TUSC3: variants seen among roughly 807,000 people sequenced by gnomAD.
TUSC3 encodes tumor suppressor candidate 3, also known as dolichyl-diphosphooligosaccharide--protein glycosyltransferase subunit TUSC3.
Under a neutral mutation model 44.8 loss-of-function variants are expected in TUSC3, and 45 were observed. The ratio of observed to expected loss-of-function variants is 1.00; its 90% CI spans 0.79 to 1.29. TUSC3 has a LOEUF of 1.29. TUSC3 is among the 50% of genes most tolerant of loss of function. The probability of loss-of-function intolerance (pLI) is 0.00; values close to 1 mark genes in which losing one functional copy is unlikely to be tolerated. For missense variants in TUSC3, 519 were observed against 437.9 expected, an observed-to-expected ratio of 1.19 and a Z score of -1.65; for synonymous variants, 212 against 152.9, an observed-to-expected ratio of 1.39 and a Z score of -2.85.
the TUSC3 span, among the ~76,000 whole-genome samples, chr8:15,847,218 G>A: frequency 6.6e-6 from 1 of 152,174 alleles, no homozygotes; most frequent in Non-Finnish European, 1.5e-5. Context: ...ATATGTGAGG[G>A]TGTGTATGAG....
At chr8:15,786,275 T>C in the TUSC3 span, among the ~76,000 whole-genome samples, 2 of 152,306 alleles carry the variant, frequency 1.3e-5, no homozygotes, top group African/African-American at 4.8e-5. Context: ...TCTGACACTA[T>C]CTCAATGAAG....
Position 15,459,557 on chromosome 8 carries a change from T to C in TUSC3, n.92-23829T>C, listed in dbSNP as rs185679420. Reference sequence around the variant, plus strand: ...TTAGTGGTGATTTGTGAGATTTTGGTGCAGCCATCGCCCAAGCAGTATACA... The same window carrying C: ...TTAGTGGTGATTTGTGAGATTTTGGCGCAGCCATCGCCCAAGCAGTATACA... On this transcript the variant is annotated intron_variant and non_coding_transcript_variant, in intron 1 of 5. Coordinates refer to the TUSC3 transcript ENST00000503191. Among the ~76,000 whole-genome samples the C allele has an allele frequency of 5.0e-3, 763 of 152,208 alleles. 3 individuals carry two copies. Among genetic ancestry groups the C allele is most frequent in the African/African-American group, 0.017 (715 of 41,524 alleles).
At chr8:15,473,787 C>G (rs1015566167) in intron 1 of TUSC3, among the ~76,000 whole-genome samples, 2 of 152,146 alleles carry the variant, frequency 1.3e-5, no homozygotes, top group African/African-American at 2.4e-5. Flanking sequence ...TCTGAGGAAA[C>G]AGGACAAGGC....
chr8:15,703,211 G>T (rs1413769554), intron 6 of TUSC3, among the ~76,000 whole-genome samples: 1 of 152,090 alleles, frequency 6.6e-6, no homozygotes, highest in Non-Finnish European at 1.5e-5. Context: ...AGTATCAGGG[G>T]ACATTAGTAT....
At chr8:15,508,018 G>A (rs1185187307) in intron 2 of TUSC3, among the ~76,000 whole-genome samples, 1 of 152,130 alleles carries the variant, frequency 6.6e-6, no homozygotes, top group African/African-American at 2.4e-5. Flanking sequence ...GAAGTGGGTG[G>A]ATCACTTGAA....
At chr8:15,460,608 C>T (rs1464500191) in intron 1 of TUSC3, among the ~76,000 whole-genome samples, 1 of 152,120 alleles carries the variant, frequency 6.6e-6, no homozygotes, top group Admixed American at 6.6e-5. Flanking sequence ...TTGACTAAGC[C>T]AATGTCTAGA....
At chr8:15,770,797 T>C (rs754402872), downstream of TUSC3, among the ~76,000 whole-genome samples, 7 of 152,022 alleles carry the variant, frequency 4.6e-5, no homozygotes, top group Non-Finnish European at 8.8e-5. Context: ...CTATCAAGCA[T>C]ATTAAGTATA....
At position 15,614,925 on chromosome 8, in the gene TUSC3, T is replaced by A. The variant is rs552047397; in HGVS notation, c.139-8155T>A. On this transcript the variant is annotated intron_variant, in intron 1 of 10. Coordinates refer to ENST00000503731, the MANE Select transcript of TUSC3 (RefSeq NM_006765.4). ...ACAAGTACAGCTATTCAGGCTGTTATTAAAAAGACCAAAAAAAAAAAAAAA... is the reference window on the plus strand; with the variant it reads ...ACAAGTACAGCTATTCAGGCTGTTAATAAAAAGACCAAAAAAAAAAAAAAA... Among the ~76,000 whole-genome samples, 5 of 111,846 alleles carry A rather than the reference T, an allele frequency of 4.5e-5. No homozygotes were observed. The East Asian group carries it at 9.7e-4, about 22-fold the overall frequency. 73.4% of individuals were successfully genotyped at this position (111,846 alleles called of 152,430 possible). A position where few individuals can be genotyped will look rare whatever the true frequency, so the allele number is the denominator to read the frequency against.
At chr8:15,582,360 A>C (rs1803403186) in intron 1 of TUSC3, among the ~76,000 whole-genome samples, 1 of 152,210 alleles carries the variant, frequency 6.6e-6, no homozygotes, top group Non-Finnish European at 1.5e-5. Context: ...ACAGTGAGGT[A>C]CTTGAAGGAT....
chr8:15,534,387 T>C (rs1015123452), intron 2 of TUSC3, among the ~76,000 whole-genome samples: 12 of 152,104 alleles, frequency 7.9e-5, no homozygotes, highest in African/African-American at 2.9e-4. Context: ...CGCACACCTG[T>C]AATCCCAGCA....
At chr8:15,627,720 C>T (rs1400480543) in intron 2 of TUSC3, among the ~76,000 whole-genome samples, 2 of 152,222 alleles carry the variant, frequency 1.3e-5, no homozygotes, top group Non-Finnish European at 2.9e-5. Context: ...TGCAGCCTCA[C>T]AGGGAGCTGG....
chr8:15,676,903 A>G (rs1263595340), intron 6 of TUSC3, among the ~76,000 whole-genome samples: 1 of 152,234 alleles, frequency 6.6e-6, no homozygotes, highest in African/African-American at 2.4e-5. Flanking sequence ...AGAAAATTTG[A>G]AAAACTGAAA....
intron 2 of TUSC3, among the ~76,000 whole-genome samples, chr8:15,648,091 T>C (rs1282964276): frequency 6.6e-6 from 1 of 152,228 alleles, no homozygotes; most frequent in Non-Finnish European, 1.5e-5. Flanking sequence ...TCACCTCTCC[T>C]CTATTTCTGT....
chr8:15,790,124 C>T, the TUSC3 span, among the ~76,000 whole-genome samples: 1 of 150,130 alleles, frequency 6.7e-6, no homozygotes, highest in East Asian at 2.0e-4. Flanking sequence ...GGGGTAGTAA[C>T]GTCCTGGTTG....
intron 1 of TUSC3, among the ~76,000 whole-genome samples, chr8:15,581,502 G>A (rs1397351495): frequency 6.8e-6 from 1 of 147,140 alleles, no homozygotes; most frequent in Admixed American, 6.7e-5. Flanking sequence ...TTTTGGTGTG[G>A]ATGTCCTTTC....
chr8:15,847,871 A>C, the TUSC3 span, among the ~76,000 whole-genome samples: 3 of 152,136 alleles, frequency 2.0e-5, no homozygotes, highest in Non-Finnish European at 4.4e-5. Flanking sequence ...AATAAGCCTT[A>C]ATTTTTTTTA....
At chr8:15,453,316 A>G (rs1202013693) in intron 1 of TUSC3, among the ~76,000 whole-genome samples, 6 of 152,210 alleles carry the variant, frequency 3.9e-5, no homozygotes, top group Non-Finnish European at 8.8e-5. Context: ...TTCCTAAATT[A>G]CTAAATAAAA....
chr8:15,613,949 A>G (rs1804873923), intron 1 of TUSC3, among the ~76,000 whole-genome samples: 1 of 151,114 alleles, frequency 6.6e-6, no homozygotes, highest in Admixed American at 6.6e-5. Context: ...AGATTCACTC[A>G]TTTTCCCTGT....
chr8:15,784,892 A>G, the TUSC3 span, among the ~76,000 whole-genome samples: 1 of 152,138 alleles, frequency 6.6e-6, no homozygotes, highest in Non-Finnish European at 1.5e-5. Flanking sequence ...TTGCTAAAAG[A>G]GTAGATTTTA....
Sources: allele counts gnomAD v4.1 joint callset (sites outside exome capture counted in the v4.1 genomes callset), GRCh38; gene constraint gnomAD v4.1.1; transcripts MANE v1.5; gene names NCBI Gene and HGNC (gene_info 2026-07-23, HGNC 2026-07-21).